The following UBAP1 variants were observed in gnomAD, a reference collection of about 807,000 sequenced individuals.
UBAP1 encodes the protein ubiquitin-associated protein 1.
UBAP1 carries 5 observed loss-of-function variants against 39.0 expected under a neutral mutation model. That is an observed-to-expected ratio of 0.13 (90% CI 0.07 to 0.27). UBAP1 has a LOEUF of 0.27. Ranked by LOEUF, UBAP1 falls within the 10% of genes least tolerant of loss-of-function variation. The pLI is 1.00. For synonymous variants in UBAP1, 211 were observed against 225.1 expected (o/e 0.94, Z 0.56); for missense variants, 490 against 608.1 (o/e 0.81, Z 2.04).
chr9:34,197,908 A>G (rs1809481592), intron 1 of UBAP1, among the ~76,000 whole-genome samples: 1 of 152,210 alleles, frequency 6.6e-6, no homozygotes, highest in Admixed American at 6.5e-5. Flanking sequence ...TTGAGGAAGT[A>G]GTCACTTCTT....
rs1563881302 is a variant in UBAP1, at chr9:34,182,673, T to TCTTTCTC, written c.-8+3433_-8+3434insCTTTCTC. 6.0e-5 allele frequency among the ~76,000 whole-genome samples: 4 copies of TCTTTCTC among 67,062 alleles called. No homozygotes were observed. In the South Asian group the frequency reaches 2.9e-3, roughly 49 times the overall value. The allele number at this position is 67,062 out of a possible 152,430, so 44.0% of individuals were successfully genotyped here. ...TTTCTTTCTTTCTTTCTTTCTTTCT[T>TCTTTCTC]TCTTTCTTTCTCTCTCTCTTTCTTT... On this transcript the variant is annotated intron_variant, in intron 1 of 6. Coordinates refer to ENST00000297661, the MANE Select transcript of UBAP1 (RefSeq NM_016525.5).
chr9:34,250,147 G>A (rs959256210), intron 5 of UBAP1, among the ~76,000 whole-genome samples, 186 bp downstream of exon 5: 6 of 152,236 alleles, frequency 3.9e-5, no homozygotes, highest in Non-Finnish European at 8.8e-5. Context: ...AAGCTATTCC[G>A]GGACCCAGGC....
intron 1 of UBAP1, among the ~76,000 whole-genome samples, chr9:34,181,748 T>TTA (rs1830051651): frequency 1.3e-5 from 2 of 149,332 alleles, no homozygotes; most frequent in South Asian, 4.2e-4. Context: ...TTTTTTTTTT[T>TTA]AATGAAGGCA....
intron 1 of UBAP1, among the ~76,000 whole-genome samples, chr9:34,212,805 T>G (rs1252455560): frequency 6.6e-6 from 1 of 152,176 alleles, no homozygotes; most frequent in African/African-American, 2.4e-5. Flanking sequence ...CCAATCCTTC[T>G]GACACTATTC....
At chr9:34,220,832 C>CT in intron 1 of UBAP1, 76 bp from the exon 2 acceptor site, 2 of 1,368,992 alleles carry the variant, frequency 1.5e-6, no homozygotes, top group Non-Finnish European at 2.1e-6. Flanking sequence ...CTTCTGGTTT[C>CT]TTTTTTGTAC....
chr9:34,196,754 C>T (rs1264561166), intron 1 of UBAP1, among the ~76,000 whole-genome samples: 1 of 152,164 alleles, frequency 6.6e-6, no homozygotes, highest in Admixed American at 6.5e-5. Flanking sequence ...TTCACTGATT[C>T]TTCAGCTTGA....
At chr9:34,235,035 A>G (rs545154965) in intron 3 of UBAP1, among the ~76,000 whole-genome samples, 10 of 152,090 alleles carry the variant, frequency 6.6e-5, no homozygotes, top group Non-Finnish European at 1.3e-4. Flanking sequence ...TGATGATCCT[A>G]TAGGCCTAGG....
chr9:34,224,636 C>A, intron 2 of UBAP1: 1 of 359,382 alleles, frequency 2.8e-6, no homozygotes. Flanking sequence ...CATTGCTCGG[C>A]GCTGGCTGGA....
intron 1 of UBAP1, among the ~76,000 whole-genome samples, chr9:34,184,445 C>G (rs1830267321): frequency 6.6e-6 from 1 of 150,706 alleles, no homozygotes; most frequent in African/African-American, 2.5e-5. Context: ...TCCTGGCTAA[C>G]ACGGTGAAAC....
At chr9:34,227,732 AAATTG>A (rs553355927) in intron 2 of UBAP1, among the ~76,000 whole-genome samples, 16 of 152,238 alleles carry the variant, frequency 1.1e-4, no homozygotes, top group Non-Finnish European at 1.8e-4. Context: ...GCTATTTAAA[AAATTG>A]AACTTAGGAA....
chr9:34,240,552 T>TA (rs1563919437), intron 3 of UBAP1, among the ~76,000 whole-genome samples: 1 of 152,240 alleles, frequency 6.6e-6, no homozygotes, highest in Non-Finnish European at 1.5e-5. Context: ...GAGCTATACT[T>TA]AAGATATTGT....
chr9:34,219,570 A>C (rs1832542358), intron 1 of UBAP1, among the ~76,000 whole-genome samples: 2 of 151,940 alleles, frequency 1.3e-5, no homozygotes, highest in Admixed American at 6.6e-5. Context: ...TTGGCACCAG[A>C]AGTGTTTCAG....
At chr9:34,225,953 A>T (rs189475816) in intron 2 of UBAP1, among the ~76,000 whole-genome samples, 2 of 152,278 alleles carry the variant, frequency 1.3e-5, no homozygotes, top group Admixed American at 1.3e-4. Flanking sequence ...AAATCACTTT[A>T]TCGAGGTATA....
chr9:34,202,171 G>A (rs1056971501), intron 1 of UBAP1, among the ~76,000 whole-genome samples: 4 of 152,016 alleles, frequency 2.6e-5, no homozygotes, highest in Admixed American at 6.6e-5. Flanking sequence ...GGGAGTCTCC[G>A]TCTTTTTCTT....
intron 1 of UBAP1, among the ~76,000 whole-genome samples, chr9:34,210,734 A>AATTT (rs1554648600): frequency 3.4e-5 from 5 of 146,480 alleles, no homozygotes; most frequent in East Asian, 2.0e-4. Context: ...AAAAAAAAAA[A>AATTT]TTTTTTTTTT....
At chr9:34,248,327 C>T (rs941862197) in intron 4 of UBAP1, among the ~76,000 whole-genome samples, 4 of 152,186 alleles carry the variant, frequency 2.6e-5, no homozygotes, top group African/African-American at 9.7e-5. Context: ...AGCCACCGCA[C>T]CTGGCTAGAT....
At chr9:34,206,612 T>C (rs1255543634) in intron 1 of UBAP1, among the ~76,000 whole-genome samples, 2 of 151,714 alleles carry the variant, frequency 1.3e-5, no homozygotes, top group African/African-American at 4.8e-5. Context: ...ACCCTTCATT[T>C]TCCGAGTTTT....
At chr9:34,196,282 G>A (rs577703396) in intron 1 of UBAP1, among the ~76,000 whole-genome samples, 2 of 150,768 alleles carry the variant, frequency 1.3e-5, no homozygotes, top group African/African-American at 4.9e-5. Context: ...TGGGACCACA[G>A]GTGTGTGCCA....
At chr9:34,207,048 CTT>C (rs34197502) in intron 1 of UBAP1, among the ~76,000 whole-genome samples, 34 of 90,054 alleles carry the variant, frequency 3.8e-4, no homozygotes, top group African/African-American at 1.0e-3. Context: ...ATTGTTATTT[CTT>C]TTTTTTTTTT....
Sources: allele counts gnomAD v4.1 joint callset (sites outside exome capture counted in the v4.1 genomes callset), GRCh38; gene constraint gnomAD v4.1.1; transcripts MANE v1.5; gene names NCBI Gene and HGNC (gene_info 2026-07-23, HGNC 2026-07-21).